CTNND2: variants seen among roughly 807,000 people sequenced by gnomAD.
The protein encoded by CTNND2 is catenin delta 2, also known as catenin delta-2.
CTNND2 carries 22 observed loss-of-function variants against 144.4 expected under a neutral mutation model. That is an observed-to-expected ratio of 0.15 (90% CI 0.11 to 0.22). The LOEUF (loss-of-function observed/expected upper bound fraction) is 0.22, where lower values mean the gene tolerates loss of function less well. Ranked by LOEUF, CTNND2 falls within the 10% of genes least tolerant of loss-of-function variation. The pLI, the probability that CTNND2 is intolerant of heterozygous loss-of-function variation, is 1.00. For synonymous variants in CTNND2, 751 were observed against 695.6 expected (o/e 1.08, Z -1.25); for missense variants, 1,353 against 1,618.8 (o/e 0.84, Z 2.82).
At chr5:11,258,311 A>C (rs26446) in intron 9 of CTNND2, among the ~76,000 whole-genome samples, 26,221 of 152,084 alleles carry the variant, frequency 0.17, 2,633 homozygotes, top group African/African-American at 0.27. Context: ...GAGGGGCTGG[A>C]TGGGCCCCTG....
intron 1 of CTNND2, among the ~76,000 whole-genome samples, chr5:11,765,266 G>A (rs1254544310): frequency 6.6e-6 from 1 of 152,138 alleles, no homozygotes; most frequent in Non-Finnish European, 1.5e-5. Context: ...TCATGCCTGG[G>A]GAACACACTG....
chr5:11,352,903 A>G (rs1755470159), intron 8 of CTNND2, among the ~76,000 whole-genome samples: 1 of 152,186 alleles, frequency 6.6e-6, no homozygotes, highest in African/African-American at 2.4e-5. Flanking sequence ...AAGCGAATTA[A>G]TAAAAAAGGA....
intron 3 of CTNND2, among the ~76,000 whole-genome samples, chr5:11,562,922 C>A (rs2150104070): frequency 6.6e-6 from 1 of 152,318 alleles, no homozygotes; most frequent in Admixed American, 6.5e-5. Flanking sequence ...ATACGGCTCT[C>A]ACTGACTTTC....
chr5:11,598,255 C>G (rs550664318), intron 2 of CTNND2, among the ~76,000 whole-genome samples: 17 of 152,136 alleles, frequency 1.1e-4, no homozygotes, highest in Admixed American at 9.8e-4. Context: ...CTAACAACCA[C>G]CACATCATGT....
intron 3 of CTNND2, among the ~76,000 whole-genome samples, chr5:11,535,385 C>G (rs1260487099): frequency 6.6e-6 from 1 of 152,136 alleles, no homozygotes; most frequent in Non-Finnish European, 1.5e-5. Flanking sequence ...ATCACTCTCT[C>G]TTGTGGATGT....
chr5:11,823,928 T>G (rs1459572918), intron 1 of CTNND2, among the ~76,000 whole-genome samples: 1 of 151,906 alleles, frequency 6.6e-6, no homozygotes, highest in Non-Finnish European at 1.5e-5. Flanking sequence ...GCCAACATGG[T>G]GAAACCGTGT....
At chr5:11,788,954 T>C (rs1790992628) in intron 1 of CTNND2, among the ~76,000 whole-genome samples, 1 of 151,998 alleles carries the variant, frequency 6.6e-6, no homozygotes, top group African/African-American at 2.4e-5. Context: ...TTGCGATAGT[T>C]TGCTGAGAAT....
At chr5:11,507,376 T>C (rs1219957604) in intron 3 of CTNND2, among the ~76,000 whole-genome samples, 1 of 152,194 alleles carries the variant, frequency 6.6e-6, no homozygotes, top group Non-Finnish European at 1.5e-5. Flanking sequence ...ATCAAGAGCA[T>C]ACTTTGTAGA....
intron 3 of CTNND2, among the ~76,000 whole-genome samples, chr5:11,437,133 T>C (rs971486868): frequency 2.6e-5 from 4 of 152,236 alleles, no homozygotes; most frequent in African/African-American, 9.6e-5. Context: ...TATTGTTATG[T>C]ATTTCCATCT....
intron 9 of CTNND2, among the ~76,000 whole-genome samples, chr5:11,320,264 T>C (rs1751902619): frequency 6.6e-6 from 1 of 152,226 alleles, no homozygotes; most frequent in Admixed American, 6.5e-5. Context: ...AGGAAAAAAG[T>C]TGTTCTTCAT....
intron 2 of CTNND2, among the ~76,000 whole-genome samples, chr5:11,675,414 G>T (rs1000879475): frequency 7.2e-5 from 11 of 152,064 alleles, no homozygotes; most frequent in African/African-American, 2.7e-4. Context: ...AATGCCATTT[G>T]TTAGCAAGTG....
chr5:11,698,631 G>A (rs936299938), intron 2 of CTNND2, among the ~76,000 whole-genome samples: 5 of 151,846 alleles, frequency 3.3e-5, no homozygotes, highest in Non-Finnish European at 7.4e-5. Context: ...TTCCTTTTTT[G>A]TCTCCAGCTT....
intron 1 of CTNND2, among the ~76,000 whole-genome samples, chr5:11,795,630 G>A (rs898432123): frequency 5.9e-5 from 9 of 152,228 alleles, no homozygotes; most frequent in African/African-American, 2.2e-4. Context: ...GGTTTAGAAT[G>A]TGGACCAGCC....
rs1735367208 is a variant in CTNND2, at chr5:11,874,075, G to A, written c.37+29742C>T. ...GCATATTTACAGCCTTAGTTTGAGA[G>A]CAAAGAAAAACAAACAGAAACGCTG... On this transcript the variant is annotated intron_variant, in intron 1 of 21. Transcript: ENST00000304623. Among the ~76,000 whole-genome samples, 5 of 146,724 alleles carry A rather than the reference G, an allele frequency of 3.4e-5. No individual in the cohort carries two copies. The Admixed American group carries it at 3.5e-4, about 10-fold the overall frequency.
At chr5:11,142,576 T>C (rs1458015942) in intron 12 of CTNND2, among the ~76,000 whole-genome samples, 1 of 151,832 alleles carries the variant, frequency 6.6e-6, no homozygotes, top group Admixed American at 6.6e-5. Flanking sequence ...CAGGCTGTGG[T>C]ACTGGAAAAG....
chr5:11,349,551 A>C (rs897660954), intron 8 of CTNND2, among the ~76,000 whole-genome samples: 1 of 152,146 alleles, frequency 6.6e-6, no homozygotes, highest in African/African-American at 2.4e-5. Context: ...CAGGTTTAAA[A>C]CCTCAAAGCT....
At chr5:11,368,953 T>A (rs1251063103) in intron 7 of CTNND2, among the ~76,000 whole-genome samples, 3 of 152,242 alleles carry the variant, frequency 2.0e-5, no homozygotes, top group Admixed American at 2.0e-4. Context: ...TGCCAATGAA[T>A]CTTTGAATCA....
chr5:11,484,142 T>C (rs1387503436), intron 3 of CTNND2, among the ~76,000 whole-genome samples: 1 of 152,202 alleles, frequency 6.6e-6, no homozygotes, highest in East Asian at 1.9e-4. Context: ...TGCTTTCATG[T>C]GTCCTTAACT....
At chr5:11,345,271 A>G (rs1490708938) in intron 9 of CTNND2, among the ~76,000 whole-genome samples, 1 of 152,242 alleles carries the variant, frequency 6.6e-6, no homozygotes, top group Admixed American at 6.5e-5. Flanking sequence ...TACACTGAAC[A>G]TAGTAAACAA....
Sources: gnomAD v4.1 joint callset for allele counts (sites outside exome capture counted in the v4.1 genomes callset) on GRCh38, gnomAD v4.1.1 for gene constraint, MANE v1.5 for transcripts, NCBI Gene and HGNC (gene_info 2026-07-23, HGNC 2026-07-21) for gene names.